The following ALMS1 variants were observed in gnomAD, a reference collection of about 807,000 sequenced individuals.
ALMS1 encodes centrosome-associated protein ALMS1.
ALMS1 carries 271 observed loss-of-function variants against 352.2 expected under a neutral mutation model. The ratio of observed to expected loss-of-function variants is 0.77; its 90% CI spans 0.70 to 0.85. The LOEUF is 0.85. Among genes scored for constraint, ALMS1 ranks in the 40% least tolerant of loss-of-function variants. The probability of loss-of-function intolerance (pLI) is 0.00; values close to 1 mark genes in which losing one functional copy is unlikely to be tolerated. For missense variants in ALMS1, 5,445 were observed against 4,870.7 expected (o/e 1.12, Z -3.51); for synonymous variants, 1,865 against 1,761.2 (o/e 1.06, Z -1.48).
At chr2:73,541,448 T>A (rs1674177766) in intron 12 of ALMS1, among the ~76,000 whole-genome samples, 2 of 152,036 alleles carry the variant, frequency 1.3e-5, no homozygotes, top group South Asian at 4.2e-4. Context: ...CAGCCTAACA[T>A]CACAATTAAA....
chr2:73,408,836 A>T, intron 2 of ALMS1, 89 bp downstream of exon 2: 1 of 1,047,624 alleles, frequency 9.5e-7, no homozygotes, highest in Non-Finnish European at 1.4e-6. Context: ...AAAATAAATT[A>T]ATATTCATTA....
intron 12 of ALMS1, among the ~76,000 whole-genome samples, chr2:73,549,154 ATAAG>A (rs1674378800): frequency 6.6e-6 from 1 of 152,240 alleles, no homozygotes; most frequent in African/African-American, 2.4e-5. Flanking sequence ...GGAGATTAGT[ATAAG>A]CCTTTATATG....
Position 73,467,022 on chromosome 2 carries a change from A to G in ALMS1, c.7674+11727A>G, listed in dbSNP as rs546429415. Among the ~76,000 whole-genome samples, 4 of 152,268 alleles carry G rather than the reference A, an allele frequency of 2.6e-5. No homozygotes were observed. The East Asian group carries it at 7.7e-4, about 29-fold the overall frequency. ...CTACAAAATTAATTTGAGATGGATC[A>G]TAGACTTTACTTTGAAAGGTAAAAT... On this transcript the variant is annotated intron_variant, in intron 9 of 22. Coordinates refer to ENST00000613296, the MANE Select transcript of ALMS1 (RefSeq NM_001378454.1).
intron 10 of ALMS1, among the ~76,000 whole-genome samples, chr2:73,509,948 C>A (rs570160636): frequency 6.6e-6 from 1 of 151,206 alleles, no homozygotes; most frequent in African/African-American, 2.4e-5. Context: ...CTTGTCTTCA[C>A]ACTTTATTTC....
intron 11 of ALMS1, among the ~76,000 whole-genome samples, chr2:73,531,847 A>T (rs1673922371): frequency 6.6e-6 from 1 of 152,222 alleles, no homozygotes; most frequent in Non-Finnish European, 1.5e-5. Context: ...GCTCAGGGGA[A>T]ACTGCCACTT....
At chr2:73,599,220 C>T (rs1318569934) in intron 16 of ALMS1, among the ~76,000 whole-genome samples, 181 bp from the exon 17 acceptor site, 1 of 152,114 alleles carries the variant, frequency 6.6e-6, no homozygotes, top group Non-Finnish European at 1.5e-5. Flanking sequence ...GTCCTATCCA[C>T]CTACAACATT....
At chr2:73,553,222 A>G (rs115029786) in intron 13 of ALMS1, among the ~76,000 whole-genome samples, 4,956 of 152,324 alleles carry the variant, frequency 0.033, 214 homozygotes, top group Admixed American at 0.092. Flanking sequence ...AAACAGAGTT[A>G]GAAACCAAAG....
intron 16 of ALMS1, among the ~76,000 whole-genome samples, chr2:73,579,078 T>TA (rs1012728071): frequency 9.0e-5 from 13 of 143,972 alleles, no homozygotes; most frequent in South Asian, 8.6e-4. Context: ...TTTATTTATT[T>TA]TTTTTTTTGA....
At chr2:73,411,847 T>C (rs1671083759) in intron 2 of ALMS1, among the ~76,000 whole-genome samples, 1 of 152,182 alleles carries the variant, frequency 6.6e-6, no homozygotes, top group Admixed American at 6.5e-5. Context: ...CTTCCGTACC[T>C]CCTTCCAGTC....
At chr2:73,484,873 T>C (rs1252034384) in intron 9 of ALMS1, among the ~76,000 whole-genome samples, 1 of 152,252 alleles carries the variant, frequency 6.6e-6, no homozygotes, top group Non-Finnish European at 1.5e-5. Flanking sequence ...GCATCGGCTC[T>C]TGAGGCTTCT....
In ALMS1 at chr2:73,450,597, C is replaced by T; in HGVS notation, c.4070C>T (p.Ala1357Val). Reference protein sequence around the residue: ...VLPHSHPTEEALKISVASEPV... With the variant: ...VLPHSHPTEEVLKISVASEPV... ...CCACATAGTCATCCAACTGAAGAGG[C>T]TCTGAAAATTTCAGTTGCCTCTGAA... Residue 1357 changes from alanine (A) to valine (V), a missense_variant, in exon 8 of 23, where the codon GCT (alanine) becomes GTT (valine). Ala to Val is a moderately conservative substitution (Grantham distance 64, BLOSUM62 0). Coordinates refer to ENST00000613296, the MANE Select transcript of ALMS1 (RefSeq NM_001378454.1). The T allele has an allele frequency of 6.2e-7, 1 of 1,612,500 alleles. No homozygotes were observed. Among genetic ancestry groups the T allele is most frequent in the Non-Finnish European group, 8.5e-7 (1 of 1,179,708 alleles).
chr2:73,536,158 A>T (rs1674023654), intron 12 of ALMS1, among the ~76,000 whole-genome samples: 2 of 152,240 alleles, frequency 1.3e-5, no homozygotes, highest in Non-Finnish European at 2.9e-5. Context: ...AAAGAAAACA[A>T]GCTCACTTAA....
At chr2:73,513,488 C>T (rs1673494108) in intron 10 of ALMS1, among the ~76,000 whole-genome samples, 1 of 152,190 alleles carries the variant, frequency 6.6e-6, no homozygotes, top group Admixed American at 6.5e-5. Context: ...CCTCCTCACT[C>T]AGGTTCTGAC....
At chr2:73,598,911 C>T (rs994436600) in intron 16 of ALMS1, among the ~76,000 whole-genome samples, 2 of 152,134 alleles carry the variant, frequency 1.3e-5, no homozygotes, top group Admixed American at 1.3e-4. Context: ...CTCTCTAATA[C>T]TTTTTGCAAT....
At chr2:73,579,147 C>T (rs1675118852) in intron 16 of ALMS1, among the ~76,000 whole-genome samples, 1 of 147,736 alleles carries the variant, frequency 6.8e-6, no homozygotes, top group Non-Finnish European at 1.5e-5. Flanking sequence ...GCAACCTCCA[C>T]CTCCCGGGTT....
chr2:73,475,373 C>A (rs1295372403), intron 9 of ALMS1, among the ~76,000 whole-genome samples: 1 of 152,060 alleles, frequency 6.6e-6, no homozygotes, highest in Non-Finnish European at 1.5e-5. Flanking sequence ...TCAGTTTCTC[C>A]ACGTCCTTTC....
chr2:73,433,042 T>G (rs1671542982), intron 7 of ALMS1, among the ~76,000 whole-genome samples: 1 of 152,090 alleles, frequency 6.6e-6, no homozygotes, highest in South Asian at 2.1e-4. Flanking sequence ...AGGTGAGTAG[T>G]GGTGGAATTA....
chr2:73,585,196 T>C (rs369168962), intron 16 of ALMS1, among the ~76,000 whole-genome samples: 1 of 152,308 alleles, frequency 6.6e-6, no homozygotes, highest in African/African-American at 2.4e-5. Context: ...CTTTAAGGGA[T>C]CTCCATACTG....
At chr2:73,395,056 ATG>A (rs796819600) in intron 1 of ALMS1, among the ~76,000 whole-genome samples, 2 of 100,786 alleles carry the variant, frequency 2.0e-5, no homozygotes, top group African/African-American at 1.3e-4. Flanking sequence ...ATATATATAT[ATG>A]TGTATATATA....
Sources: gnomAD v4.1 joint callset for allele counts (sites outside exome capture counted in the v4.1 genomes callset) on GRCh38, gnomAD v4.1.1 for gene constraint, MANE v1.5 for transcripts, NCBI Gene and HGNC (gene_info 2026-07-23, HGNC 2026-07-21) for gene names.